CCDC60: variants seen among roughly 807,000 people sequenced by gnomAD.
CCDC60 encodes the protein coiled-coil domain-containing protein 60.
A neutral mutation model predicts 63.5 loss-of-function variants in CCDC60; 54 were observed. The ratio of observed to expected loss-of-function variants is 0.85; its 90% CI spans 0.68 to 1.07. The LOEUF (loss-of-function observed/expected upper bound fraction) is 1.07, where lower values mean the gene tolerates loss of function less well. CCDC60 is among the 50% of genes least tolerant of loss of function. The pLI is 0.00. For missense variants in CCDC60, 651 were observed against 684.3 expected (o/e 0.95, Z 0.54); for synonymous variants, 206 against 238.8 (o/e 0.86, Z 1.27).
At chr12:119,539,595 C>G (rs185624099) in intron 13 of CCDC60, among the ~76,000 whole-genome samples, 11 of 152,352 alleles carry the variant, frequency 7.2e-5, no homozygotes, top group African/African-American at 2.6e-4. Context: ...GAATTTCAAG[C>G]CAGTGGATCT....
intron 7 of CCDC60, among the ~76,000 whole-genome samples, chr12:119,513,755 G>A (rs754797530): frequency 1.3e-5 from 2 of 152,108 alleles, no homozygotes; most frequent in Non-Finnish European, 2.9e-5. Flanking sequence ...AGCACACTAT[G>A]TTACTCACAG....
chr12:119,336,269 G>A (rs570134146), intron 1 of CCDC60, among the ~76,000 whole-genome samples: 4 of 152,120 alleles, frequency 2.6e-5, no homozygotes, highest in South Asian at 4.2e-4. Flanking sequence ...AATTAGCCTC[G>A]AAACCAACAA....
chr12:119,430,683 T>TAAAAAAAAACA (rs1555241081), intron 2 of CCDC60, among the ~76,000 whole-genome samples: 1 of 55,140 alleles, frequency 1.8e-5, no homozygotes, highest in African/African-American at 7.5e-5. Context: ...AAAAAAAAAG[T>TAAAAAAAAACA]CACATGAGTC....
chr12:119,478,836 A>C (rs369049108), intron 3 of CCDC60, among the ~76,000 whole-genome samples: 8 of 151,886 alleles, frequency 5.3e-5, no homozygotes, highest in African/African-American at 1.9e-4. Context: ...TGATCTCCTG[A>C]CCTTGTGATC....
At chr12:119,414,219 G>A (rs78515948) in intron 1 of CCDC60, among the ~76,000 whole-genome samples, 7 of 151,958 alleles carry the variant, frequency 4.6e-5, no homozygotes, top group African/African-American at 7.3e-5. Context: ...GGATTTCACC[G>A]TGTTGGCCAA....
At chr12:119,422,409 T>C (rs1323572709) in intron 1 of CCDC60, among the ~76,000 whole-genome samples, 1 of 152,208 alleles carries the variant, frequency 6.6e-6, no homozygotes, top group Non-Finnish European at 1.5e-5. Context: ...AGAGGTTTAA[T>C]TGGCTCACAG....
At chr12:119,408,582 G>A (rs1956535739) in intron 1 of CCDC60, among the ~76,000 whole-genome samples, 5 of 152,200 alleles carry the variant, frequency 3.3e-5, no homozygotes, top group African/African-American at 9.7e-5. Context: ...TCAGCACTTT[G>A]GGAGGCCGAG....
chr12:119,409,195 A>C (rs989648795), intron 1 of CCDC60, among the ~76,000 whole-genome samples: 1 of 152,136 alleles, frequency 6.6e-6, no homozygotes, highest in African/African-American at 2.4e-5. Flanking sequence ...ATCATCGCCA[A>C]CCTGGGTGCT....
At chr12:119,520,271 C>A in intron 9 of CCDC60, 79 bp downstream of exon 9, 2 of 1,169,838 alleles carry the variant, frequency 1.7e-6, no homozygotes, top group Non-Finnish European at 1.2e-6. Flanking sequence ...GATGCTCCTC[C>A]CCAGACCATG....
intron 1 of CCDC60, among the ~76,000 whole-genome samples, chr12:119,360,909 G>A (rs190259688): frequency 6.6e-6 from 1 of 152,114 alleles, no homozygotes. Flanking sequence ...CGAGGCTGGC[G>A]GATCACTCGC....
At chr12:119,411,964 C>T (rs1043393066) in intron 1 of CCDC60, among the ~76,000 whole-genome samples, 3 of 152,000 alleles carry the variant, frequency 2.0e-5, no homozygotes, top group African/African-American at 7.2e-5. Context: ...CCACCAGATC[C>T]CTGAGGAAAG....
intron 1 of CCDC60, among the ~76,000 whole-genome samples, chr12:119,345,662 C>T (rs903987810): frequency 6.6e-6 from 1 of 152,166 alleles, no homozygotes; most frequent in African/African-American, 2.4e-5. Flanking sequence ...TCCCCTCAAA[C>T]AGCCAAATCC....
At position 119,456,291 on chromosome 12, in the gene CCDC60, G is replaced by A. The variant is rs1019888616; in HGVS notation, c.171-15703G>A. ...CCCTGGGGCAGCCAGGTGGCCAATA[G>A]GAAGGAAAAGACCTGGTGGGAAACT... On this transcript the variant is annotated intron_variant, in intron 2 of 13. Coordinates refer to ENST00000327554, the MANE Select transcript of CCDC60 (RefSeq NM_178499.5). The surrounding 1 kb of genome is among the most constrained non-coding windows in gnomAD (Gnocchi z 4.6). Among the ~76,000 whole-genome samples the A allele has an allele frequency of 2.0e-5, 3 of 152,178 alleles. No homozygotes were observed. In the East Asian group the frequency reaches 5.8e-4, roughly 29 times the overall value.
intron 1 of CCDC60, among the ~76,000 whole-genome samples, chr12:119,342,809 A>T (rs1460279890): frequency 6.6e-6 from 1 of 152,250 alleles, no homozygotes; most frequent in Non-Finnish European, 1.5e-5. Context: ...TAACACAAGC[A>T]TGGATCTAAA....
Position 119,510,724 on chromosome 12 carries a change from T to C in CCDC60, c.883+5421T>C, listed in dbSNP as rs1264632545. 3.9e-5 allele frequency among the ~76,000 whole-genome samples: 6 copies of C among 152,244 alleles called. No individual in the cohort carries two copies. In the East Asian group the frequency reaches 9.7e-4, roughly 25 times the overall value. ...ACTTTCTTCTGTGTCATCCTTAACATCACTTCATAATCCACTATGGCTGCC... is the reference window on the plus strand; with the variant it reads ...ACTTTCTTCTGTGTCATCCTTAACACCACTTCATAATCCACTATGGCTGCC... On this transcript the variant is annotated intron_variant, in intron 7 of 13. Coordinates refer to ENST00000327554, the MANE Select transcript of CCDC60 (RefSeq NM_178499.5).
intron 1 of CCDC60, among the ~76,000 whole-genome samples, chr12:119,352,738 A>T (rs1440984065): frequency 6.6e-6 from 1 of 152,096 alleles, no homozygotes; most frequent in African/African-American, 2.4e-5. Flanking sequence ...GGAATTCGAG[A>T]CCAGCCTGGC....
At chr12:119,529,789 G>A (rs1328529974) in intron 12 of CCDC60, among the ~76,000 whole-genome samples, 2 of 152,126 alleles carry the variant, frequency 1.3e-5, no homozygotes, top group Admixed American at 6.5e-5. Context: ...GGGGGAGGAG[G>A]AAAGGTTGTT....
At chr12:119,443,544 G>C (rs1169014425) in intron 2 of CCDC60, among the ~76,000 whole-genome samples, 1 of 152,070 alleles carries the variant, frequency 6.6e-6, no homozygotes, top group African/African-American at 2.4e-5. Flanking sequence ...TTTCCAACCC[G>C]CAACCTACAA....
chr12:119,498,305 T>G (rs970779729), intron 5 of CCDC60, among the ~76,000 whole-genome samples: 12 of 152,092 alleles, frequency 7.9e-5, no homozygotes, highest in African/African-American at 2.9e-4. Context: ...ATTGTCTCCC[T>G]AAACCAAAGC....
Sources: allele counts gnomAD v4.1 joint callset (sites outside exome capture counted in the v4.1 genomes callset), GRCh38; gene constraint gnomAD v4.1.1; non-coding constraint Gnocchi (gnomAD v3.1); transcripts MANE v1.5; gene names NCBI Gene and HGNC (gene_info 2026-07-23, HGNC 2026-07-21).